Variants in TLL1 observed in about 807,000 individuals in gnomAD.
TLL1 encodes tolloid-like protein 1.
Under a neutral mutation model 128.2 loss-of-function variants are expected in TLL1, and 49 were observed. The ratio of observed to expected loss-of-function variants is 0.38; its 90% CI spans 0.30 to 0.48. The LOEUF is 0.48. Among genes scored for constraint, TLL1 ranks in the 20% least tolerant of loss-of-function variants. The probability of loss-of-function intolerance (pLI) is 0.96; values close to 1 mark genes in which losing one functional copy is unlikely to be tolerated. For missense variants in TLL1, 1,123 were observed against 1,242.0 expected (o/e 0.90, Z 1.44); for synonymous variants, 454 against 418.8 (o/e 1.08, Z -1.03).
chr4:166,097,609 G>A (rs1560869928), intron 19 of TLL1, among the ~76,000 whole-genome samples: 2 of 152,042 alleles, frequency 1.3e-5, no homozygotes, highest in South Asian at 4.1e-4. Context: ...TATGTGAAAG[G>A]GGTTCCATAC....
At chr4:165,974,133 C>CTTTGTTTT (rs1735760652) in intron 1 of TLL1, among the ~76,000 whole-genome samples, 1 of 60,748 alleles carries the variant, frequency 1.6e-5, no homozygotes, top group South Asian at 7.1e-4. Flanking sequence ...TGGACCTCAT[C>CTTTGTTTT]TTTTTTTTTT....
At chr4:166,012,084 A>T (rs2111047359) in intron 7 of TLL1, among the ~76,000 whole-genome samples, 1 of 151,768 alleles carries the variant, frequency 6.6e-6, no homozygotes, top group South Asian at 2.1e-4. Context: ...TTTGTAATAT[A>T]CATGCTTCTG....
At chr4:165,918,289 T>C (rs571447648) in intron 1 of TLL1, among the ~76,000 whole-genome samples, 35 of 152,292 alleles carry the variant, frequency 2.3e-4, no homozygotes, top group African/African-American at 8.4e-4. Context: ...TACAGCATCA[T>C]AGAATTTGGA....
intron 1 of TLL1, among the ~76,000 whole-genome samples, chr4:165,889,061 C>T (rs1190132303): frequency 2.0e-5 from 3 of 152,138 alleles, no homozygotes; most frequent in South Asian, 2.1e-4. Flanking sequence ...ACATTCAGGG[C>T]TTTAAAAAAT....
chr4:165,962,348 T>C (rs143318696), intron 1 of TLL1, among the ~76,000 whole-genome samples: 560 of 152,240 alleles, frequency 3.7e-3, no homozygotes, highest in Non-Finnish European at 6.2e-3. Context: ...TCATTAGAAA[T>C]GGGAAATCAA....
intron 2 of TLL1, 60 bp from the exon 3 acceptor site, chr4:165,992,744 T>C: frequency 7.3e-6 from 11 of 1,504,054 alleles, no homozygotes; most frequent in Non-Finnish European, 1.0e-5. Flanking sequence ...TATGACTGTT[T>C]TTTATTTGCA....
Position 165,989,411 on chromosome 4 carries a change from A to G in TLL1, c.200A>G (p.Asp67Gly), listed in dbSNP as rs1464945278. ...AVFWGDIALD[D>G]EDLNIFQIDR... ...TTTTGGGGCGATATTGCCTTAGATG[A>G]TGAAGACTTAAATATCTTTCAAATA... The change falls in exon 2 of 21, where the codon GAT (aspartate) becomes GGT (glycine). Residue 67 changes from aspartate to glycine, a missense_variant. This residue lies in a region of TLL1 where 480 missense variants were observed against 542.4 expected (regional missense o/e 0.89). Transcript: ENST00000061240. 1 of 1,612,762 alleles carries G rather than the reference A, an allele frequency of 6.2e-7. No homozygotes were observed.
intron 19 of TLL1, among the ~76,000 whole-genome samples, chr4:166,098,293 C>T (rs971054477): frequency 7.1e-6 from 1 of 140,996 alleles, no homozygotes; most frequent in Non-Finnish European, 1.5e-5. Context: ...TGAGATCACG[C>T]CACTGCACAC....
chr4:166,015,991 T>C (rs896305802), intron 8 of TLL1, among the ~76,000 whole-genome samples: 1 of 152,066 alleles, frequency 6.6e-6, no homozygotes, highest in African/African-American at 2.4e-5. Context: ...GATTCAATAA[T>C]GAAAGTGAGT....
At chr4:165,921,249 G>C (rs35012211) in intron 1 of TLL1, among the ~76,000 whole-genome samples, 1 of 152,166 alleles carries the variant, frequency 6.6e-6, no homozygotes. Context: ...GCAGCATTTA[G>C]AACAAAACTT....
chr4:165,896,153 A>C (rs1057361136), intron 1 of TLL1, among the ~76,000 whole-genome samples: 1 of 152,044 alleles, frequency 6.6e-6, no homozygotes, highest in Admixed American at 6.5e-5. Context: ...TCATTGTTCA[A>C]TTCCAGCTTA....
chr4:166,077,551 C>T (rs182912666), intron 17 of TLL1, among the ~76,000 whole-genome samples: 1 of 152,218 alleles, frequency 6.6e-6, no homozygotes, highest in Admixed American at 6.5e-5. Flanking sequence ...TTGTTTGTGA[C>T]ATTGGATTAA....
In TLL1 at chr4:166,091,053, T is replaced by C. The variant is rs1318911039; in HGVS notation, c.2443-75T>C. 3 of 1,288,086 alleles carry C rather than the reference T, an allele frequency of 2.3e-6. No individual in the cohort carries two copies. In the East Asian group the frequency reaches 7.6e-5, roughly 33 times the overall value. 79.8% of individuals were successfully genotyped at this position (1,288,086 alleles called of 1,614,324 possible). ...CCTGAACATATTTTATTGATATGTA[T>C]TTCTGTCCCAAAAATTATCTCATTT... On this transcript the variant is annotated intron_variant, in intron 18 of 20. Transcript: ENST00000061240.
intron 3 of TLL1, among the ~76,000 whole-genome samples, chr4:165,993,471 T>C (rs1736732750): frequency 1.3e-5 from 2 of 151,878 alleles, no homozygotes; most frequent in South Asian, 4.1e-4. Flanking sequence ...ATTCTAACGT[T>C]CCTTAAATTG....
intron 1 of TLL1, chr4:165,919,799 C>T (rs530573618): frequency 4.7e-4 from 214 of 456,086 alleles, no homozygotes; most frequent in Admixed American, 6.3e-4. Flanking sequence ...TTAAAACACT[C>T]ACTCTGGGAT....
At chr4:166,016,438 T>C (rs1737951075) in intron 8 of TLL1, among the ~76,000 whole-genome samples, 1 of 152,238 alleles carries the variant, frequency 6.6e-6, no homozygotes. Flanking sequence ...GAGGTTTGTA[T>C]GCACACTGAA....
intron 8 of TLL1, among the ~76,000 whole-genome samples, chr4:166,025,020 G>A (rs181001526): frequency 2.0e-5 from 3 of 152,232 alleles, no homozygotes; most frequent in Admixed American, 6.5e-5. Flanking sequence ...GTGCTTTAGA[G>A]GGGCTACTGG....
In TLL1 at chr4:165,887,097, G is replaced by A. The variant is rs143912986; in HGVS notation, c.169+13024G>A. On this transcript the variant is annotated intron_variant, in intron 1 of 20. Coordinates refer to ENST00000061240, the MANE Select transcript of TLL1 (RefSeq NM_012464.5). The stretch of plus-strand genomic sequence containing the variant: ...GCAATAAATGATTCTGAAAAATAGT[G>A]TAAAGGGATCTTTAGAGCCCAGGGT... Among the ~76,000 whole-genome samples, 450 of 152,330 alleles carry A rather than the reference G, an allele frequency of 3.0e-3. 2 individuals carry two copies. Among genetic ancestry groups the A allele is most frequent in the African/African-American group, 9.1e-3 (378 of 41,574 alleles).
chr4:165,971,514 T>C (rs1735626872), intron 1 of TLL1, among the ~76,000 whole-genome samples: 1 of 152,150 alleles, frequency 6.6e-6, no homozygotes, highest in African/African-American at 2.4e-5. Flanking sequence ...TGCAAAAAGA[T>C]CCCAAAGTGC....
Sources: gnomAD v4.1 joint callset for allele counts (sites outside exome capture counted in the v4.1 genomes callset) on GRCh38, gnomAD v4.1.1 for gene constraint, gnomAD v4.1.1 regional missense constraint, MANE v1.5 for transcripts, NCBI Gene and HGNC (gene_info 2026-07-23, HGNC 2026-07-21) for gene names.